Variants in CPA6 observed in about 807,000 individuals in gnomAD.
The protein encoded by CPA6 is carboxypeptidase B.
A neutral mutation model predicts 63.3 loss-of-function variants in CPA6; 58 were observed. The observed-to-expected ratio is 0.92, with a 90% CI of 0.74 to 1.14. CPA6 has a LOEUF of 1.14. CPA6 is among the 50% of genes most tolerant of loss of function. The pLI, the probability that CPA6 is intolerant of heterozygous loss-of-function variation, is 0.00. For synonymous variants in CPA6, 185 were observed against 179.0 expected, an observed-to-expected ratio of 1.03 and a Z score of -0.27; for missense variants, 565 against 526.6, an observed-to-expected ratio of 1.07 and a Z score of -0.71.
intron 1 of CPA6, among the ~76,000 whole-genome samples, chr8:67,691,208 C>T (rs961184086): frequency 1.3e-5 from 2 of 152,212 alleles, no homozygotes; most frequent in African/African-American, 4.8e-5. Flanking sequence ...CTTCATACAT[C>T]TGTTCAAGTA....
Position 67,548,195 on chromosome 8 carries a change from TC to T in CPA6, c.193-30149del, listed in dbSNP as rs1188971672. ...CTTCCTTTCCTTCCCTTTCCTTCCT[TC>T]CCCCTCCCCTCCCTTCCCCTCTTCT... On this transcript the variant is annotated intron_variant, in intron 2 of 10. Coordinates refer to ENST00000297770, the MANE Select transcript of CPA6 (RefSeq NM_020361.5). Among the ~76,000 whole-genome samples, 190 of 117,798 alleles carry T rather than the reference TC, an allele frequency of 1.6e-3. 2 individuals are homozygous for T. The highest frequency in any genetic ancestry group is 5.7e-3 in the African/African-American group (181 of 31,610). The allele number at this position is 117,798 out of a possible 152,430, so 77.3% of individuals were successfully genotyped here.
At chr8:67,644,311 C>A (rs61546392) in intron 1 of CPA6, among the ~76,000 whole-genome samples, 1 of 151,878 alleles carries the variant, frequency 6.6e-6, no homozygotes, top group Non-Finnish European at 1.5e-5. Context: ...GTAGAGACGG[C>A]GTTTCACCAT....
At position 67,484,691 on chromosome 8, in the gene CPA6, A is replaced by G. The variant is rs745513116; in HGVS notation, c.735T>C (p.Phe245=). ...CAAAGTGACTTACATTGGTCCAACT[A>G]AAATGGTATCCATCGACGTTAAACA... is the stretch of plus-strand genomic sequence containing the variant. The part of the protein sequence containing the change: ...MPVFNVDGYH[F]SWTNDRFWRK... The change falls in exon 7 of 11, where the codon TTT becomes TTC. Residue 245 remains phenylalanine (F), a synonymous_variant. Transcript: ENST00000297770. 2.5e-6 allele frequency: 4 copies of G among 1,576,896 alleles called. No homozygotes were observed. The African/African-American group carries it at 4.1e-5, about 16-fold the overall frequency.
chr8:67,521,531 G>C (rs373295964), intron 2 of CPA6, among the ~76,000 whole-genome samples: 1 of 152,162 alleles, frequency 6.6e-6, no homozygotes, highest in Non-Finnish European at 1.5e-5. Context: ...GATAATCACT[G>C]TTTCTTATTA....
chr8:67,502,958 G>A (rs535232964), intron 6 of CPA6, among the ~76,000 whole-genome samples: 1 of 152,100 alleles, frequency 6.6e-6, no homozygotes, highest in Non-Finnish European at 1.5e-5. Flanking sequence ...TGCTCTTGTT[G>A]GGTACAGTCT....
intron 2 of CPA6, among the ~76,000 whole-genome samples, chr8:67,621,689 CT>C (rs1347845668): frequency 1.3e-5 from 2 of 152,220 alleles, no homozygotes; most frequent in African/African-American, 4.8e-5. Context: ...CTGGATGTGA[CT>C]GTGTGGAGTG....
At chr8:67,431,377 A>G (rs1371875927) in intron 9 of CPA6, among the ~76,000 whole-genome samples, 1 of 152,032 alleles carries the variant, frequency 6.6e-6, no homozygotes, top group Non-Finnish European at 1.5e-5. Flanking sequence ...AGTAGCTGGG[A>G]CTACAGGTGT....
At chr8:67,560,178 T>TATATA (rs1564000623) in intron 2 of CPA6, among the ~76,000 whole-genome samples, 5 of 150,386 alleles carry the variant, frequency 3.3e-5, no homozygotes, top group African/African-American at 4.9e-5. Flanking sequence ...TATATATATA[T>TATATA]TCCAGATGTA....
intron 2 of CPA6, among the ~76,000 whole-genome samples, chr8:67,558,209 A>G (rs1563999686): frequency 6.6e-6 from 1 of 152,214 alleles, no homozygotes; most frequent in Non-Finnish European, 1.5e-5. Flanking sequence ...TTGCATAGCT[A>G]ACTTTCTTAT....
At chr8:67,551,739 C>T (rs1475342202) in intron 2 of CPA6, among the ~76,000 whole-genome samples, 1 of 152,108 alleles carries the variant, frequency 6.6e-6, no homozygotes, top group Non-Finnish European at 1.5e-5. Flanking sequence ...ACTTTCACCT[C>T]CTTGGTTAGA....
At chr8:67,426,644 T>G (rs1293080354) in intron 10 of CPA6, among the ~76,000 whole-genome samples, 1 of 152,102 alleles carries the variant, frequency 6.6e-6, no homozygotes, top group African/African-American at 2.4e-5. Context: ...TGGTAAAACA[T>G]TAGGAATACA....
At chr8:67,616,769 C>T (rs1450012313) in intron 2 of CPA6, among the ~76,000 whole-genome samples, 1 of 152,106 alleles carries the variant, frequency 6.6e-6, no homozygotes, top group East Asian at 1.9e-4. Flanking sequence ...TTTGTTCTCT[C>T]TCACTCTTAG....
At chr8:67,700,784 G>A (rs1256247049) in intron 1 of CPA6, among the ~76,000 whole-genome samples, 1 of 152,082 alleles carries the variant, frequency 6.6e-6, no homozygotes, top group East Asian at 1.9e-4. Flanking sequence ...ATTGTTAGGA[G>A]GGAAGAAAAA....
At chr8:67,575,387 G>A (rs145917842) in intron 2 of CPA6, among the ~76,000 whole-genome samples, 1 of 152,278 alleles carries the variant, frequency 6.6e-6, no homozygotes, top group Non-Finnish European at 1.5e-5. Context: ...ACAAATGGGT[G>A]TTTCTCTGAA....
intron 8 of CPA6, among the ~76,000 whole-genome samples, chr8:67,465,923 AT>A (rs1379860072): frequency 6.6e-6 from 1 of 151,606 alleles, no homozygotes; most frequent in Non-Finnish European, 1.5e-5. Flanking sequence ...TTCTTTTTTC[AT>A]TGTGTCTCTG....
intron 2 of CPA6, among the ~76,000 whole-genome samples, chr8:67,556,388 GACA>G (rs1447152281): frequency 6.6e-6 from 1 of 152,160 alleles, no homozygotes; most frequent in Non-Finnish European, 1.5e-5. Context: ...AGAAGAAGCT[GACA>G]TCCTGCGCTT....
chr8:67,552,556 A>G (rs986236263), intron 2 of CPA6, among the ~76,000 whole-genome samples: 8 of 151,930 alleles, frequency 5.3e-5, no homozygotes, highest in African/African-American at 9.7e-5. Context: ...GGCGGATCAC[A>G]AGATCAGGAG....
intron 2 of CPA6, among the ~76,000 whole-genome samples, chr8:67,537,498 T>C (rs563084447): frequency 6.6e-6 from 1 of 152,362 alleles, no homozygotes; most frequent in Non-Finnish European, 1.5e-5. Flanking sequence ...TTTATAGTAT[T>C]CTCTGATGGT....
chr8:67,507,613 C>G (rs543334901), intron 5 of CPA6, among the ~76,000 whole-genome samples: 2 of 152,222 alleles, frequency 1.3e-5, no homozygotes, highest in African/African-American at 4.8e-5. Context: ...TGTCAGACAT[C>G]GTGCTCAGTA....
Sources: allele counts gnomAD v4.1 joint callset (sites outside exome capture counted in the v4.1 genomes callset), GRCh38; gene constraint gnomAD v4.1.1; transcripts MANE v1.5; gene names NCBI Gene and HGNC (gene_info 2026-07-23, HGNC 2026-07-21).